Variants in NUTF2 observed in about 807,000 individuals in gnomAD.
The protein encoded by NUTF2 is placental protein 15.
In NUTF2, 3 loss-of-function variants were observed where a neutral mutation model predicts 18.5. The observed-to-expected ratio is 0.16, with a 90% CI of 0.07 to 0.42. NUTF2 has a LOEUF of 0.42. Ranked by LOEUF, NUTF2 falls within the 10% of genes least tolerant of loss-of-function variation. The probability of loss-of-function intolerance (pLI) is 0.99; values close to 1 mark genes in which losing one functional copy is unlikely to be tolerated. For missense variants in NUTF2, 44 were observed against 160.7 expected (o/e 0.27, Z 3.93); for synonymous variants, 51 against 57.9 (o/e 0.88, Z 0.54).
chr16:67,847,098 C>G (rs895537889), intron 1 of NUTF2, 113 bp downstream of exon 1: 10 of 150,260 alleles, frequency 6.7e-5, no homozygotes, highest in African/African-American at 2.2e-4. Flanking sequence ...TCCCCCCCCC[C>G]CGGCGGCCCG....
chr16:67,859,586 G>C (rs181212720), intron 1 of NUTF2, among the ~76,000 whole-genome samples: 1 of 151,768 alleles, frequency 6.6e-6, no homozygotes, highest in Non-Finnish European at 1.5e-5. Context: ...TGGAACTCTC[G>C]ACCTCAGGTG....
At position 67,848,816 on chromosome 16, in the gene NUTF2, G is replaced by A. The variant is rs545730831; in HGVS notation, c.-30+1831G>A. Among the ~76,000 whole-genome samples the A allele has an allele frequency of 5.3e-5, 8 of 151,906 alleles. No individual in the cohort carries two copies. In the East Asian group the frequency reaches 1.5e-3, roughly 29 times the overall value. On this transcript the variant is annotated intron_variant, in intron 1 of 4. Transcript: ENST00000219169. ...GCAGCTCTGGCCTCAGGAGCAAGCA[G>A]AATATCAGGTCTCTTAGAAGGGCTG... is the stretch of plus-strand genomic sequence containing the variant.
At chr16:67,866,764 G>T (rs964163073) in intron 2 of NUTF2, among the ~76,000 whole-genome samples, 1 of 152,068 alleles carries the variant, frequency 6.6e-6, no homozygotes, top group Non-Finnish European at 1.5e-5. Context: ...ACCGCGCCCG[G>T]CTACACCTAA....
chr16:67,871,768 G>C lies in NUTF2; in HGVS notation c.*855G>C, dbSNP rs2058015016. On this transcript the variant is annotated 3_prime_UTR_variant, in exon 5 of 5. Coordinates refer to ENST00000219169, the MANE Select transcript of NUTF2 (RefSeq NM_005796.3). Reference sequence around the variant, plus strand: ...GCCTGCTCTATCCCCAGAAGGATCAGGATCATATCCAGGATGCCCCACATA... The same window carrying C: ...GCCTGCTCTATCCCCAGAAGGATCACGATCATATCCAGGATGCCCCACATA... The C allele has an allele frequency of 6.6e-6, 1 of 152,262 alleles. No individual in the cohort carries two copies. The highest frequency in any genetic ancestry group is 6.5e-5 in the Admixed American group (1 of 15,274). The allele number at this position is 152,262 out of a possible 1,614,324, so 9.4% of individuals were successfully genotyped here.
chr16:67,863,054 G>A lies in NUTF2; in HGVS notation c.-29-2048G>A, dbSNP rs989667609. Among the ~76,000 whole-genome samples the A allele has an allele frequency of 4.6e-5, 7 of 152,208 alleles. No individual in the cohort carries two copies. The East Asian group carries it at 5.8e-4, about 13-fold the overall frequency. Reference sequence around the variant, plus strand: ...TGACTAAGCATAGCAAGTACCAGGTGGACGGGGCAGAAATGCCAGAGGTGG... The same window carrying A: ...TGACTAAGCATAGCAAGTACCAGGTAGACGGGGCAGAAATGCCAGAGGTGG... On this transcript the variant is annotated intron_variant, in intron 1 of 4. Coordinates refer to ENST00000219169, the MANE Select transcript of NUTF2 (RefSeq NM_005796.3).
intron 1 of NUTF2, among the ~76,000 whole-genome samples, chr16:67,862,413 C>G (rs185870332): frequency 6.6e-6 from 1 of 152,172 alleles, no homozygotes; most frequent in Non-Finnish European, 1.5e-5. Flanking sequence ...CTGATGTGTC[C>G]TATTCCTCAG....
At chr16:67,867,750 G>A (rs1185409831) in intron 2 of NUTF2, among the ~76,000 whole-genome samples, 1 of 152,070 alleles carries the variant, frequency 6.6e-6, no homozygotes, top group Non-Finnish European at 1.5e-5. Flanking sequence ...GCAGTGGTGC[G>A]ATTTCGGCTC....
At chr16:67,868,779 A>G in intron 4 of NUTF2, 180 bp downstream of exon 4, 2 of 536,868 alleles carry the variant, frequency 3.7e-6, no homozygotes, top group South Asian at 2.3e-5. Flanking sequence ...TTTAAGTTAT[A>G]TTAATTAAGA....
chr16:67,865,843 C>T (rs1217916245), intron 2 of NUTF2, among the ~76,000 whole-genome samples: 5 of 151,728 alleles, frequency 3.3e-5, no homozygotes, highest in African/African-American at 7.3e-5. Context: ...CTCAGCCTCC[C>T]GAGTAGCTGG....
In NUTF2 at chr16:67,851,059, C is replaced by T. The variant is rs1333735066; in HGVS notation, c.-30+4074C>T. On this transcript the variant is annotated intron_variant, in intron 1 of 4. Coordinates refer to ENST00000219169, the MANE Select transcript of NUTF2 (RefSeq NM_005796.3). Reference sequence around the variant, plus strand: ...CAAGTGACCCACTCGCCTTGGCTGCCCAAAGTGCTAGGATTACAGGTGTGA... The same window carrying T: ...CAAGTGACCCACTCGCCTTGGCTGCTCAAAGTGCTAGGATTACAGGTGTGA... Among the ~76,000 whole-genome samples, 4 of 152,128 alleles carry T rather than the reference C, an allele frequency of 2.6e-5. No homozygotes were observed. The East Asian group carries it at 7.8e-4, about 30-fold the overall frequency.
At chr16:67,854,531 C>T (rs1004423381) in intron 1 of NUTF2, among the ~76,000 whole-genome samples, 1 of 152,192 alleles carries the variant, frequency 6.6e-6, no homozygotes, top group Non-Finnish European at 1.5e-5. Context: ...ATACCAATAG[C>T]GCTTGTTTTA....
chr16:67,861,941 C>T (rs1167342078), intron 1 of NUTF2, among the ~76,000 whole-genome samples: 1 of 151,914 alleles, frequency 6.6e-6, no homozygotes, highest in African/African-American at 2.4e-5. Flanking sequence ...TGTTGCCTCC[C>T]GTGGGAAGGG....
intron 1 of NUTF2, 22 bp downstream of exon 1, chr16:67,847,007 C>T (rs1054418534): frequency 6.6e-6 from 1 of 151,832 alleles, no homozygotes; most frequent in Admixed American, 6.6e-5. Context: ...GGCCAGCACG[C>T]CGGGGCGGGG....
intron 1 of NUTF2, chr16:67,856,138 G>A (rs754592859): frequency 4.5e-5 from 19 of 421,686 alleles, no homozygotes; most frequent in Non-Finnish European, 8.0e-5. Context: ...TGTCACTTAG[G>A]TGCTTTCTGC....
chr16:67,866,285 G>A (rs975048639), intron 2 of NUTF2, among the ~76,000 whole-genome samples: 1 of 151,192 alleles, frequency 6.6e-6, no homozygotes, highest in African/African-American at 2.4e-5. Flanking sequence ...ACAGATATTT[G>A]ATTGTCATTA....
chr16:67,868,811 G>A (rs952765399), intron 4 of NUTF2: 46 of 459,452 alleles, frequency 1.0e-4, no homozygotes, highest in East Asian at 1.0e-3. Flanking sequence ...GTACTTCTTC[G>A]GTTGTACTAG....
chr16:67,870,496 A>G lies in NUTF2; in HGVS notation c.271-304A>G, dbSNP rs2058003886. 34 of 350,354 alleles carry G rather than the reference A, an allele frequency of 9.7e-5. No individual in the cohort carries two copies. The South Asian group carries it at 1.0e-3, about 11-fold the overall frequency. 21.7% of individuals were successfully genotyped at this position (350,354 alleles called of 1,614,324 possible). ...AAATTGTGATCACTTGTGTCTGGAG[A>G]TATGTGCTTGGAGGCAGGTACATCC... is the stretch of plus-strand genomic sequence containing the variant. On this transcript the variant is annotated intron_variant, in intron 4 of 4. Coordinates refer to ENST00000219169, the MANE Select transcript of NUTF2 (RefSeq NM_005796.3).
In NUTF2 at chr16:67,856,003, G is replaced by A. The variant is rs76559150; in HGVS notation, c.-30+9018G>A. On this transcript the variant is annotated intron_variant, in intron 1 of 4. Coordinates refer to ENST00000219169, the MANE Select transcript of NUTF2 (RefSeq NM_005796.3). ...TGGTGCCAGCGGCCTTGGTGACCTTGAGCACGTTGAAGCGTACTGTCTTGC... is the reference window on the plus strand; with the variant it reads ...TGGTGCCAGCGGCCTTGGTGACCTTAAGCACGTTGAAGCGTACTGTCTTGC... The A allele has an allele frequency of 4.8e-3, 5,880 of 1,228,984 alleles. 212 individuals carry two copies. In the African/African-American group the frequency reaches 0.074, roughly 15 times the overall value. The allele number at this position is 1,228,984 out of a possible 1,614,324, so 76.1% of individuals were successfully genotyped here.
intron 1 of NUTF2, among the ~76,000 whole-genome samples, chr16:67,860,398 C>T (rs933790426): frequency 6.6e-6 from 1 of 152,202 alleles, no homozygotes; most frequent in Non-Finnish European, 1.5e-5. Flanking sequence ...CCTCAGCCTC[C>T]TGAGTAGCTG....
Sources: allele counts gnomAD v4.1 joint callset (sites outside exome capture counted in the v4.1 genomes callset), GRCh38; gene constraint gnomAD v4.1.1; transcripts MANE v1.5; gene names NCBI Gene and HGNC (gene_info 2026-07-23, HGNC 2026-07-21).